MCM4: variants seen among roughly 807,000 people sequenced by gnomAD.
The protein encoded by MCM4 is minichromosome maintenance complex component 4, also known as DNA replication licensing factor MCM4.
A neutral mutation model predicts 88.7 loss-of-function variants in MCM4; 60 were observed. The observed-to-expected ratio is 0.68, with a 90% CI of 0.55 to 0.84. The LOEUF (loss-of-function observed/expected upper bound fraction) is 0.84. Among genes scored for constraint, MCM4 ranks in the 40% least tolerant of loss-of-function variants. The probability of loss-of-function intolerance (pLI) is 0.00; values close to 1 mark genes in which losing one functional copy is unlikely to be tolerated. For synonymous variants in MCM4, 465 were observed against 410.5 expected, an observed-to-expected ratio of 1.13 and a Z score of -1.61; for missense variants, 1,149 against 1,105.5, an observed-to-expected ratio of 1.04 and a Z score of -0.56.
intron 8 of MCM4, among the ~76,000 whole-genome samples, chr8:47,965,920 G>A (rs1423259269): frequency 6.6e-6 from 1 of 152,174 alleles, no homozygotes; most frequent in African/African-American, 2.4e-5. Context: ...TCATACAGGA[G>A]GCCAGGTGAG....
chr8:47,961,048 G>C (rs2090818823), intron 1 of MCM4, 34 bp downstream of exon 1: 2 of 1,327,176 alleles, frequency 1.5e-6, no homozygotes, highest in Non-Finnish European at 2.0e-6. Context: ...GCGTGGCGCG[G>C]AGCCGACGGG....
chr8:47,966,076 A>T, intron 8 of MCM4, 111 bp from the exon 9 acceptor site: 1 of 792,642 alleles, frequency 1.3e-6, no homozygotes, highest in Non-Finnish European at 2.1e-6. Context: ...TGGACACAGA[A>T]AGGTCGCCCT....
At chr8:47,975,238 T>G (rs2090991151) in intron 15 of MCM4, 1 of 327,150 alleles carries the variant, frequency 3.1e-6, no homozygotes, top group South Asian at 3.5e-5. Flanking sequence ...TGCAGTTTAG[T>G]TACATATGTA....
In MCM4 at chr8:47,966,410, G is replaced by A; in HGVS notation, c.1053+3G>A. 1 of 1,603,844 alleles carries A rather than the reference G, an allele frequency of 6.2e-7. No homozygotes were observed. Among genetic ancestry groups the A allele is most frequent in the Non-Finnish European group, 8.5e-7 (1 of 1,173,884 alleles). On this transcript the variant is annotated splice_donor_region_variant and intron_variant, in intron 9 of 16. Coordinates refer to ENST00000649973, the MANE Select transcript of MCM4 (RefSeq NM_182746.3). ...CCCTCTTCTCTGACAAGCAGATGGT[G>A]CGCAGCCACCCTGGCCCCCCAGGCT...
chr8:47,974,276 T>C, intron 14 of MCM4: 1 of 158,820 alleles, frequency 6.3e-6, no homozygotes, highest in South Asian at 1.8e-4. Context: ...GTCATCTGTA[T>C]GTGAAATTGA....
Position 47,977,083 on chromosome 8 carries a change from G to A in MCM4, c.*305G>A. ...GTTCAAGACCAGCCTAGCCAAGATG[G>A]TGAAACCCCGTCTCTAGTAAAGATA... is the stretch of plus-strand genomic sequence containing the variant. On this transcript the variant is annotated 3_prime_UTR_variant, in exon 17 of 17. Coordinates refer to ENST00000649973, the MANE Select transcript of MCM4 (RefSeq NM_182746.3). 1 of 181,216 alleles carries A rather than the reference G, an allele frequency of 5.5e-6. No individual in the cohort carries two copies. The highest frequency in any genetic ancestry group is 1.2e-5 in the Non-Finnish European group (1 of 84,934). 11.2% of individuals were successfully genotyped at this position (181,216 alleles called of 1,614,324 possible).
At chr8:47,963,990 G>A (rs759257871) in intron 7 of MCM4, among the ~76,000 whole-genome samples, 4 of 152,200 alleles carry the variant, frequency 2.6e-5, no homozygotes, top group African/African-American at 7.2e-5. Context: ...TTGGGAGGCC[G>A]AGGCAGGCAG....
At chr8:47,973,494 C>A (rs1050371590) in intron 14 of MCM4, among the ~76,000 whole-genome samples, 1 of 141,894 alleles carries the variant, frequency 7.0e-6, no homozygotes, top group Non-Finnish European at 1.6e-5. Context: ...ATAAACTTTT[C>A]TTTTTTTTTT....
intron 1 of MCM4, 57 bp downstream of exon 1, chr8:47,961,071 G>C: frequency 6.9e-7 from 1 of 1,451,276 alleles, no homozygotes; most frequent in South Asian, 1.3e-5. Flanking sequence ...CGTCCGCGCT[G>C]CGGAGCAGGG....
intron 12 of MCM4, 108 bp downstream of exon 12, chr8:47,970,984 G>T: frequency 7.6e-7 from 1 of 1,311,022 alleles, no homozygotes; most frequent in Non-Finnish European, 1.0e-6. Flanking sequence ...AACTTGGGGA[G>T]ATTGATAAGT....
chr8:47,971,424 A>C lies in MCM4; in HGVS notation c.1884A>C (p.Lys628Asn), dbSNP rs1589832713. Residue 628 changes from lysine to asparagine, a missense_variant, in exon 13 of 17, where the codon AAA becomes AAC. By Grantham distance (94) the Lys-to-Asn change is moderately conservative (BLOSUM62 0). This residue lies in a region of MCM4 where 906 missense variants were observed against 843.0 expected (regional missense o/e 1.07). Coordinates refer to ENST00000649973, the MANE Select transcript of MCM4 (RefSeq NM_182746.3). Reference sequence around the variant, plus strand: ...TTGAGTCTCAGTGGAATCCTAAAAAAACAACCATTGAAAACATCCAGCTGC... The same window carrying C: ...TTGAGTCTCAGTGGAATCCTAAAAACACAACCATTGAAAACATCCAGCTGC... Reference protein sequence around the residue: ...NPIESQWNPKKTTIENIQLPH... With the variant: ...NPIESQWNPKNTTIENIQLPH... 1.2e-6 allele frequency: 2 copies of C among 1,614,152 alleles called. No individual in the cohort carries two copies. The highest frequency in any genetic ancestry group is 2.7e-5 in the African/African-American group (2 of 75,040).
At chr8:47,975,212 G>T (rs1227188304) in intron 15 of MCM4, 7 of 379,928 alleles carry the variant, frequency 1.8e-5, no homozygotes, top group Non-Finnish European at 3.4e-5. Flanking sequence ...AAGTTTTAGG[G>T]TACATGTGCA....
intron 7 of MCM4, among the ~76,000 whole-genome samples, chr8:47,963,786 G>T (rs2090870705): frequency 6.6e-6 from 1 of 152,186 alleles, no homozygotes; most frequent in African/African-American, 2.4e-5. Flanking sequence ...GTCTTTGGAG[G>T]CAAGCAGACT....
chr8:47,976,292 C>CA (rs554025887), intron 16 of MCM4, among the ~76,000 whole-genome samples: 24,429 of 115,052 alleles, frequency 0.21, 2,587 homozygotes, highest in African/African-American at 0.33. Context: ...AACTCCATCT[C>CA]AAAAAAAAAA....
Position 47,961,555 on chromosome 8 carries a change from G to T in MCM4, c.110G>T (p.Arg37Leu), listed in dbSNP as rs200577338. ...EDARSSPSQR[R>L]RGEDSTSTGE... ...GCCAGGTCATCTCCCTCTCAGAGAC[G>T]TAGAGGCGAGGATTCCACCTCCACG... The change falls in exon 3 of 17, where the codon CGT (arginine) becomes CTT (leucine). Residue 37 changes from arginine (R) to leucine (L), a missense_variant. This residue lies in a region of MCM4 where 906 missense variants were observed against 843.0 expected (regional missense o/e 1.07). Coordinates refer to ENST00000649973, the MANE Select transcript of MCM4 (RefSeq NM_182746.3). The T allele has an allele frequency of 1.9e-6, 3 of 1,614,050 alleles. No individual in the cohort carries two copies. Among genetic ancestry groups the T allele is most frequent in the South Asian group, 2.2e-5 (2 of 91,092 alleles).
At chr8:47,971,058 T>C (rs2090949240) in intron 12 of MCM4, among the ~76,000 whole-genome samples, 182 bp downstream of exon 12, 1 of 152,252 alleles carries the variant, frequency 6.6e-6, no homozygotes, top group South Asian at 2.1e-4. Flanking sequence ...CGTTTTGTCT[T>C]TATTGCTGTA....
At position 47,966,469 on chromosome 8, in the gene MCM4, C is replaced by CT; in HGVS notation, c.1053+63dup. 4 of 1,465,672 alleles carry CT rather than the reference C, an allele frequency of 2.7e-6. No individual in the cohort carries two copies. In the South Asian group the frequency reaches 5.1e-5, roughly 19 times the overall value. 90.8% of individuals were successfully genotyped at this position (1,465,672 alleles called of 1,614,324 possible). On this transcript the variant is annotated intron_variant, in intron 9 of 16. Coordinates refer to ENST00000649973, the MANE Select transcript of MCM4 (RefSeq NM_182746.3). ...CCTGTCTGTATCCTCAAAAGGCCAACTATAACTTGTCCCTCGGACCCTGAG... is the reference window on the plus strand; with the variant it reads ...CCTGTCTGTATCCTCAAAAGGCCAACTTATAACTTGTCCCTCGGACCCTGAG...
rs2090848676 is a variant in MCM4 at position 47,962,147 on chromosome 8, A to T, written c.330A>T (p.Thr110=). ...CCCCAAGAAGTGGTGTTAGGGGCACACCTGTGAGACAGAGGCCTGACCTGG... is the reference window on the plus strand; with the variant it reads ...CCCCAAGAAGTGGTGTTAGGGGCACTCCTGTGAGACAGAGGCCTGACCTGG... The part of the protein sequence containing the change: ...EGTPRSGVRG[T]PVRQRPDLGS... Residue 110 remains threonine (T), a synonymous_variant, in exon 4 of 17, where the codon ACA becomes ACT. Transcript: ENST00000649973. 3 of 1,614,162 alleles carry T rather than the reference A, an allele frequency of 1.9e-6. No homozygotes were observed. The highest frequency in any genetic ancestry group is 2.5e-6 in the Non-Finnish European group (3 of 1,180,034).
chr8:47,971,004 A>G (rs2090948728), intron 12 of MCM4, 128 bp downstream of exon 12: 1 of 1,136,410 alleles, frequency 8.8e-7, no homozygotes, highest in Non-Finnish European at 1.2e-6. Flanking sequence ...TGCTTTCCAC[A>G]TCATATTTCA....
Sources: allele counts gnomAD v4.1 joint callset (sites outside exome capture counted in the v4.1 genomes callset), GRCh38; gene constraint gnomAD v4.1.1; regional missense constraint gnomAD v4.1.1; transcripts MANE v1.5; gene names NCBI Gene and HGNC (gene_info 2026-07-23, HGNC 2026-07-21).